Variants in CACNA2D3 observed in about 807,000 individuals in gnomAD.
CACNA2D3 encodes calcium voltage-gated channel auxiliary subunit alpha2delta 3.
A neutral mutation model predicts 160.6 loss-of-function variants in CACNA2D3; 60 were observed. That is an observed-to-expected ratio of 0.37 (90% CI 0.30 to 0.46). CACNA2D3 has a LOEUF of 0.46. Among genes scored for constraint, CACNA2D3 ranks in the 20% least tolerant of loss-of-function variants. The probability of loss-of-function intolerance (pLI) is 1.00; values close to 1 mark genes in which losing one functional copy is unlikely to be tolerated. For synonymous variants in CACNA2D3, 558 were observed against 492.9 expected (o/e 1.13, Z -1.75); for missense variants, 1,205 against 1,365.0 (o/e 0.88, Z 1.85).
chr3:54,693,977 T>C lies in CACNA2D3; in HGVS notation c.1167+51736T>C, dbSNP rs1406507036. On this transcript the variant is annotated intron_variant, in intron 11 of 37. Coordinates refer to ENST00000474759, the MANE Select transcript of CACNA2D3 (RefSeq NM_018398.3). ...GCTTAGATATTTATTATTGAAGAAA[T>C]ACATTTTAAAAAATAAATTTAGTGT... 2.3e-4 allele frequency among the ~76,000 whole-genome samples: 35 copies of C among 152,192 alleles called. 1 individual carries two copies. Among genetic ancestry groups the C allele is most frequent in the Admixed American group, 2.3e-3 (35 of 15,278 alleles).
intron 4 of CACNA2D3, among the ~76,000 whole-genome samples, chr3:54,393,574 C>T (rs181594953): frequency 1.4e-4 from 21 of 152,358 alleles, no homozygotes; most frequent in African/African-American, 4.8e-4. Flanking sequence ...CCCTCCCAGT[C>T]ACTATCGTGC....
At chr3:54,213,456 C>A (rs1701411781) in intron 2 of CACNA2D3, among the ~76,000 whole-genome samples, 1 of 152,218 alleles carries the variant, frequency 6.6e-6, no homozygotes, top group African/African-American at 2.4e-5. Flanking sequence ...TCTCAGTATT[C>A]TTCCTTAGTT....
intron 30 of CACNA2D3, among the ~76,000 whole-genome samples, chr3:54,987,219 T>C (rs1332723380): frequency 1.3e-5 from 2 of 152,198 alleles, no homozygotes; most frequent in Non-Finnish European, 2.9e-5. Flanking sequence ...GCAGGAACTT[T>C]ATTGGGCTGA....
chr3:54,756,199 A>C (rs1409064936), intron 12 of CACNA2D3, among the ~76,000 whole-genome samples: 1 of 152,090 alleles, frequency 6.6e-6, no homozygotes, highest in Non-Finnish European at 1.5e-5. Flanking sequence ...TCCTGTCTAC[A>C]TCCAGTTATT....
chr3:54,946,929 A>G (rs1701630574), intron 27 of CACNA2D3, among the ~76,000 whole-genome samples: 1 of 152,212 alleles, frequency 6.6e-6, no homozygotes, highest in African/African-American at 2.4e-5. Context: ...TGTCAATAAA[A>G]ATAGTTAAGC....
chr3:54,542,615 T>C (rs765831639), intron 5 of CACNA2D3, among the ~76,000 whole-genome samples: 1 of 152,158 alleles, frequency 6.6e-6, no homozygotes, highest in Non-Finnish European at 1.5e-5. Flanking sequence ...GCAGGAAGCA[T>C]GCAGCACAGG....
At chr3:54,166,893 A>G (rs751770895) in intron 2 of CACNA2D3, among the ~76,000 whole-genome samples, 49 of 152,234 alleles carry the variant, frequency 3.2e-4, no homozygotes, top group Non-Finnish European at 5.1e-4. Context: ...ATTTCAGGTC[A>G]TTTTTCCTAT....
intron 17 of CACNA2D3, among the ~76,000 whole-genome samples, chr3:54,851,336 T>C (rs1699053615): frequency 6.6e-6 from 1 of 152,196 alleles, no homozygotes; most frequent in Non-Finnish European, 1.5e-5. Context: ...TGAGGACAAC[T>C]GTGAGTACTG....
chr3:54,409,946 C>T (rs1041954021), intron 4 of CACNA2D3, among the ~76,000 whole-genome samples: 1 of 152,168 alleles, frequency 6.6e-6, no homozygotes, highest in African/African-American at 2.4e-5. Context: ...GCAAGTTATT[C>T]AGAATGTTTA....
At chr3:54,660,524 TC>T (rs751544522) in intron 11 of CACNA2D3, among the ~76,000 whole-genome samples, 159 of 152,302 alleles carry the variant, frequency 1.0e-3, no homozygotes, top group Admixed American at 4.3e-3. Flanking sequence ...AGCTCCTTCT[TC>T]CTGTAGATTT....
intron 27 of CACNA2D3, 78 bp from the exon 28 acceptor site, chr3:54,968,372 G>A (rs768259182): frequency 1.3e-5 from 12 of 926,166 alleles, no homozygotes; most frequent in South Asian, 2.8e-5. Context: ...TTGCCATGAC[G>A]GATAATTTTC....
At chr3:54,123,101 C>G (rs949947382) in intron 1 of CACNA2D3, among the ~76,000 whole-genome samples, 1 of 152,176 alleles carries the variant, frequency 6.6e-6, no homozygotes, top group Non-Finnish European at 1.5e-5. Context: ...CCGAATCCAA[C>G]TTCCATGGGC....
At chr3:54,796,215 A>G (rs1187591804) in intron 13 of CACNA2D3, among the ~76,000 whole-genome samples, 3 of 152,076 alleles carry the variant, frequency 2.0e-5, no homozygotes, top group Admixed American at 6.5e-5. Context: ...CAGCCAGACT[A>G]TTTGACTTGA....
intron 3 of CACNA2D3, among the ~76,000 whole-genome samples, chr3:54,361,148 C>T (rs1448641713): frequency 6.6e-6 from 1 of 151,778 alleles, no homozygotes; most frequent in Non-Finnish European, 1.5e-5. Context: ...TTACCATAAT[C>T]ATGAGTTGAC....
chr3:55,067,966 C>T (rs539694510), intron 35 of CACNA2D3, among the ~76,000 whole-genome samples: 12 of 152,296 alleles, frequency 7.9e-5, no homozygotes, highest in African/African-American at 2.6e-4. Context: ...GGATCTCCCT[C>T]CCTGTAACCT....
chr3:54,300,057 G>C (rs746547116), intron 2 of CACNA2D3, among the ~76,000 whole-genome samples: 2 of 152,166 alleles, frequency 1.3e-5, no homozygotes, highest in African/African-American at 2.4e-5. Context: ...CGATCAAAGA[G>C]GTTAGTTTAA....
chr3:54,602,497 CAAAAAAAAAAAAAA>C (rs1156290031), intron 9 of CACNA2D3, among the ~76,000 whole-genome samples: 2 of 71,186 alleles, frequency 2.8e-5, no homozygotes, highest in African/African-American at 5.5e-5. Context: ...GATTCCATCT[CAAAAAAAAAAAAAA>C]AAAAAAAAAA....
In CACNA2D3 at chr3:54,927,610, T is replaced by TC. The variant is rs148206451; in HGVS notation, c.2449+27748dup. Among the ~76,000 whole-genome samples the TC allele has an allele frequency of 8.3e-3, 1,261 of 152,070 alleles. 17 individuals carry two copies. The highest frequency in any genetic ancestry group is 0.028 in the African/African-American group (1,176 of 41,472). On this transcript the variant is annotated intron_variant, in intron 27 of 37. Transcript: ENST00000474759. ...TTCATTCTTTCTTTGGTTCCACTTT[T>TC]CCCCCCAAAGGAATAATATACGAAC...
At chr3:54,812,303 A>G (rs529022375) in intron 13 of CACNA2D3, among the ~76,000 whole-genome samples, 8 of 152,348 alleles carry the variant, frequency 5.3e-5, no homozygotes, top group African/African-American at 1.4e-4. Flanking sequence ...CAGCATGGCA[A>G]TAACTTTGCT....
Sources: gnomAD v4.1 joint callset for allele counts (sites outside exome capture counted in the v4.1 genomes callset) on GRCh38, gnomAD v4.1.1 for gene constraint, MANE v1.5 for transcripts, NCBI Gene and HGNC (gene_info 2026-07-23, HGNC 2026-07-21) for gene names.